Variants in AGO4 observed in about 807,000 individuals in gnomAD.
The protein encoded by AGO4 is protein argonaute-4.
AGO4 carries 33 observed loss-of-function variants against 104.7 expected under a neutral mutation model. That is an observed-to-expected ratio of 0.32 (90% CI 0.24 to 0.42). The LOEUF (loss-of-function observed/expected upper bound fraction) is 0.42. Ranked by LOEUF, AGO4 falls within the 10% of genes least tolerant of loss-of-function variation. The probability of loss-of-function intolerance (pLI) is 1.00; values close to 1 mark genes in which losing one functional copy is unlikely to be tolerated. For synonymous variants in AGO4, 331 were observed against 364.7 expected (o/e 0.91, Z 1.05); for missense variants, 711 against 1,083.4 (o/e 0.66, Z 4.83).
chr1:35,831,954 G>C (rs960442882), intron 9 of AGO4, 23 bp downstream of exon 9: 2 of 1,612,004 alleles, frequency 1.2e-6, no homozygotes, highest in African/African-American at 2.7e-5. Context: ...TGGTCTTCAA[G>C]ATGAGCTAGC....
At chr1:35,823,116 A>G (rs981154093) in intron 3 of AGO4, 134 bp downstream of exon 3, 4 of 992,844 alleles carry the variant, frequency 4.0e-6, no homozygotes, top group Admixed American at 2.7e-5. Context: ...ACCTGATTTC[A>G]TTATTACACA....
In AGO4 at chr1:35,853,515, G is replaced by A. The variant is rs1644755354; in HGVS notation, c.2496G>A (p.Val832=). ...TTTACAGTGCGGAAGGCAGTCATGT[G>A]TCAGGACAGAGCAACGGCCGGGATC... is the stretch of plus-strand genomic sequence containing the variant. ...KDHDSAEGSH[V]SGQSNGRDPQ... The change falls in exon 18 of 18, where the codon GTG becomes GTA. Residue 832 remains valine (V), a synonymous_variant. Transcript: ENST00000373210. The A allele has an allele frequency of 6.2e-7, 1 of 1,613,692 alleles. No individual in the cohort carries two copies. The highest frequency in any genetic ancestry group is 2.2e-5 in the East Asian group (1 of 44,862).
intron 6 of AGO4, 61 bp downstream of exon 6, chr1:35,826,121 G>A: frequency 6.3e-7 from 1 of 1,592,558 alleles, no homozygotes. Context: ...CGTTGCCTGT[G>A]CTCTGGAGTC....
chr1:35,835,261 T>C (rs1644284301), intron 12 of AGO4, among the ~76,000 whole-genome samples: 1 of 152,126 alleles, frequency 6.6e-6, no homozygotes, highest in Non-Finnish European at 1.5e-5. Flanking sequence ...TTCACCATGT[T>C]GGCCAGGCTG....
intron 15 of AGO4, among the ~76,000 whole-genome samples, chr1:35,846,641 G>A (rs1644581307): frequency 6.7e-6 from 1 of 149,340 alleles, no homozygotes; most frequent in Non-Finnish European, 1.5e-5. Context: ...TTAGGGACAG[G>A]GTCTAAGTTT....
chr1:35,827,524 GA>G (rs1291492467), intron 7 of AGO4, among the ~76,000 whole-genome samples: 10 of 151,570 alleles, frequency 6.6e-5, no homozygotes, highest in Admixed American at 4.6e-4. Flanking sequence ...CATCTCAAAA[GA>G]AAAAAAGAAA....
chr1:35,845,913 T>C (rs1391797665), intron 15 of AGO4, among the ~76,000 whole-genome samples: 1 of 152,200 alleles, frequency 6.6e-6, no homozygotes, highest in African/African-American at 2.4e-5. Flanking sequence ...AAGAAGCATC[T>C]ATCTGGAACA....
chr1:35,836,568 C>T (rs913572161), intron 13 of AGO4, among the ~76,000 whole-genome samples: 3 of 152,220 alleles, frequency 2.0e-5, no homozygotes, highest in Non-Finnish European at 4.4e-5. Context: ...TGCCACCACA[C>T]CCGGCTAATT....
In AGO4 at chr1:35,818,662, G is replaced by A. The variant is rs867564878; in HGVS notation, c.185+1615G>A. 7.2e-3 allele frequency among the ~76,000 whole-genome samples: 892 copies of A among 123,470 alleles called. 7 individuals carry two copies. The highest frequency in any genetic ancestry group is 0.019 in the African/African-American group (545 of 29,182). The allele number at this position is 123,470 out of a possible 152,430, so 81.0% of individuals were successfully genotyped here. On this transcript the variant is annotated intron_variant, in intron 2 of 17. Coordinates refer to ENST00000373210, the MANE Select transcript of AGO4 (RefSeq NM_017629.4). The stretch of plus-strand genomic sequence containing the variant: ...GAAAGAAAGAAAGAAAGAAAGAAAG[G>A]AAGAAAGGAAGGAAGGAAGGAAGGA...
chr1:35,831,248 A>G (rs967288134), intron 7 of AGO4, among the ~76,000 whole-genome samples, 179 bp from the exon 8 acceptor site: 7 of 151,860 alleles, frequency 4.6e-5, no homozygotes, highest in Admixed American at 2.6e-4. Context: ...TATAATCCCA[A>G]CTGCTTGGGA....
Position 35,831,478 on chromosome 1 carries a change from A to G in AGO4, c.900A>G (p.Gln300=), listed in dbSNP as rs1178280405. 1.2e-6 allele frequency: 2 copies of G among 1,614,062 alleles called. No homozygotes were observed. Among genetic ancestry groups the G allele is most frequent in the Admixed American group, 1.7e-5 (1 of 59,992 alleles). ...NGQAMECTVA[Q]YFKQKYSLQL... is the part of the protein sequence containing the mutation. ...AAGCTATGGAATGTACAGTAGCTCA[A>G]TATTTTAAGCAAAAGTATAGTCTGC... The change falls in exon 8 of 18, where the codon CAA becomes CAG. Residue 300 remains glutamine (Q), a synonymous_variant. Coordinates refer to ENST00000373210, the MANE Select transcript of AGO4 (RefSeq NM_017629.4).
intron 12 of AGO4, 138 bp from the exon 13 acceptor site, chr1:35,835,696 G>A: frequency 1.6e-6 from 1 of 633,948 alleles, no homozygotes. Context: ...CAGATAAAAG[G>A]AAGACACATG....
chr1:35,831,468 C>T lies in AGO4; in HGVS notation c.890C>T (p.Thr297Ile), dbSNP rs1571284533. ...QLENGQAMEC[T>I]VAQYFKQKYS... Reference sequence around the variant, plus strand: ...GAAAACGGTCAAGCTATGGAATGTACAGTAGCTCAATATTTTAAGCAAAAG... The same window carrying T: ...GAAAACGGTCAAGCTATGGAATGTATAGTAGCTCAATATTTTAAGCAAAAG... Residue 297 changes from threonine (T) to isoleucine (I), a missense_variant, in exon 8 of 18, where the codon ACA (threonine) becomes ATA (isoleucine). Transcript: ENST00000373210. 6.2e-7 allele frequency: 1 copy of T among 1,614,100 alleles called. No individual in the cohort carries two copies. The highest frequency in any genetic ancestry group is 2.2e-5 in the East Asian group (1 of 44,874).
intron 10 of AGO4, 31 bp downstream of exon 10, chr1:35,832,216 T>C: frequency 1.2e-6 from 2 of 1,605,354 alleles, no homozygotes; most frequent in Non-Finnish European, 1.7e-6. Context: ...AGCAAGCTTC[T>C]TCCACAACCA....
chr1:35,811,850 G>C (rs867524416), intron 1 of AGO4, among the ~76,000 whole-genome samples: 9 of 151,996 alleles, frequency 5.9e-5, no homozygotes, highest in Middle Eastern at 3.4e-3. Context: ...CACCCGCCCC[G>C]GCCTCCCAAA....
chr1:35,836,135 A>T, intron 13 of AGO4, 142 bp downstream of exon 13: 3 of 930,028 alleles, frequency 3.2e-6, no homozygotes, highest in Non-Finnish European at 4.7e-6. Flanking sequence ...TCCCAGATAA[A>T]GATATAGAAC....
rs774116019 is a variant in AGO4, at chr1:35,831,515, C to G, written c.937C>G (p.Pro313Ala). Residue 313 changes from proline (P) to alanine (A), a missense_variant, in exon 8 of 18, where the codon CCC becomes GCC. Physicochemically the swap from Pro to Ala is conservative, Grantham distance 27. Transcript: ENST00000373210. Reference sequence around the variant, plus strand: ...AAAGTATAGTCTGCAACTGAAATACCCCCATCTTCCCTGTCTCCAAGTGGG... The same window carrying G: ...AAAGTATAGTCTGCAACTGAAATACGCCCATCTTCCCTGTCTCCAAGTGGG... Reference protein sequence around the residue: ...KQKYSLQLKYPHLPCLQVGQE... With the variant: ...KQKYSLQLKYAHLPCLQVGQE... The G allele has an allele frequency of 1.2e-6, 2 of 1,613,990 alleles. No individual in the cohort carries two copies. Among genetic ancestry groups the G allele is most frequent in the African/African-American group, 1.3e-5 (1 of 75,014 alleles).
At chr1:35,835,643 G>T (rs1644295524) in intron 12 of AGO4, among the ~76,000 whole-genome samples, 191 bp from the exon 13 acceptor site, 1 of 151,756 alleles carries the variant, frequency 6.6e-6, no homozygotes, top group Non-Finnish European at 1.5e-5. Context: ...GAGAAGGGAG[G>T]GCCTATCCAA....
At chr1:35,829,274 G>T in intron 7 of AGO4, among the ~76,000 whole-genome samples, 1 of 145,952 alleles carries the variant, frequency 6.9e-6, no homozygotes, top group Non-Finnish European at 1.5e-5. Flanking sequence ...GGTATTTCAT[G>T]TATTATTTGT....
Sources: allele counts gnomAD v4.1 joint callset (sites outside exome capture counted in the v4.1 genomes callset), GRCh38; gene constraint gnomAD v4.1.1; transcripts MANE v1.5; gene names NCBI Gene and HGNC (gene_info 2026-07-23, HGNC 2026-07-21).